The following C8orf74 variants were observed in gnomAD, a reference collection of about 807,000 sequenced individuals.
The protein encoded by C8orf74 is uncharacterized protein C8orf74.
C8orf74 carries 29 observed loss-of-function variants against 22.2 expected under a neutral mutation model. That is an observed-to-expected ratio of 1.31 (90% CI 0.97 to 1.78). The LOEUF is 1.78. C8orf74 is among the 40% of genes most tolerant of loss of function. The pLI, the probability that C8orf74 is intolerant of heterozygous loss-of-function variation, is 0.00. For synonymous variants in C8orf74, 255 were observed against 163.1 expected (o/e 1.56, Z -4.30); for missense variants, 515 against 369.9 (o/e 1.39, Z -3.22).
At chr8:10,677,206 C>T (rs1419670208) in intron 2 of C8orf74, among the ~76,000 whole-genome samples, 1 of 152,182 alleles carries the variant, frequency 6.6e-6, no homozygotes, top group Non-Finnish European at 1.5e-5. Context: ...CATGACCACA[C>T]TCATCATTAG....
At chr8:10,675,986 T>A (rs952688857) in intron 2 of C8orf74, 1 of 152,146 alleles carries the variant, frequency 6.6e-6, no homozygotes, top group African/African-American at 2.4e-5. Flanking sequence ...GGTAGTGACA[T>A]GTTCAGGGTG....
intron 2 of C8orf74, among the ~76,000 whole-genome samples, chr8:10,696,097 G>C (rs1799491336): frequency 2.0e-5 from 3 of 152,046 alleles, no homozygotes; most frequent in African/African-American, 7.2e-5. Context: ...CTGCTCATTT[G>C]CTCACCAGGG....
chr8:10,699,820 G>C (rs1041289609), intron 3 of C8orf74, among the ~76,000 whole-genome samples: 2 of 152,232 alleles, frequency 1.3e-5, no homozygotes, highest in African/African-American at 4.8e-5. Flanking sequence ...AGGAGGTAGG[G>C]TCTATAGGAA....
intron 2 of C8orf74, among the ~76,000 whole-genome samples, chr8:10,683,199 T>C (rs903873486): frequency 1.3e-5 from 2 of 152,196 alleles, no homozygotes. Flanking sequence ...ACTTCCTAAC[T>C]GGGTCACCCA....
Position 10,697,948 on chromosome 8 carries a change from G to C in C8orf74, c.591G>C (p.Leu197=), listed in dbSNP as rs764467947. 2.4e-5 allele frequency: 38 copies of C among 1,567,386 alleles called. No individual in the cohort carries two copies. The highest frequency in any genetic ancestry group is 3.0e-5 in the Non-Finnish European group (35 of 1,158,226). ...EALRLERENS[L]QKAFAAAAPA... ...TGCGCCTGGAGCGGGAGAACTCGCT[G>C]CAGAAGGCGTTCGCTGCCGCCGCGC... Residue 197 remains leucine (L), a synonymous_variant, in exon 3 of 4, where the codon CTG becomes CTC. Transcript: ENST00000304519.
At chr8:10,694,341 G>A (rs975225181) in intron 2 of C8orf74, among the ~76,000 whole-genome samples, 4 of 152,150 alleles carry the variant, frequency 2.6e-5, no homozygotes, top group Admixed American at 6.5e-5. Context: ...TATGTAAACT[G>A]AAAAGTATCT....
chr8:10,700,202 G>T (rs965492677), intron 3 of C8orf74, 33 bp from the exon 4 acceptor site: 35 of 1,460,474 alleles, frequency 2.4e-5, no homozygotes, highest in Non-Finnish European at 3.2e-5. Context: ...AGGCTCCCCA[G>T]CCCTGCTCAT....
intron 1 of C8orf74, chr8:10,673,469 C>G (rs1798959309): frequency 6.6e-6 from 1 of 152,204 alleles, no homozygotes; most frequent in South Asian, 2.1e-4. Context: ...AGCATTACCT[C>G]ACCAAGCCCC....
intron 2 of C8orf74, among the ~76,000 whole-genome samples, chr8:10,687,811 A>C (rs545286304): frequency 6.6e-6 from 1 of 152,306 alleles, no homozygotes; most frequent in East Asian, 1.9e-4. Flanking sequence ...ATTATAGCAT[A>C]CACAGAGAAA....
chr8:10,699,788 C>T (rs1209472025), intron 3 of C8orf74, among the ~76,000 whole-genome samples: 1 of 152,182 alleles, frequency 6.6e-6, no homozygotes, highest in East Asian at 1.9e-4. Context: ...CCCAGGGTAT[C>T]CAGATGGAGC....
intron 2 of C8orf74, among the ~76,000 whole-genome samples, chr8:10,678,193 C>A (rs1799072515): frequency 6.6e-6 from 1 of 152,160 alleles, no homozygotes; most frequent in African/African-American, 2.4e-5. Context: ...CTTACCTGGC[C>A]CTTTACTGGG....
intron 2 of C8orf74, chr8:10,690,850 C>A (rs769494943): frequency 1.1e-4 from 49 of 456,144 alleles, no homozygotes; most frequent in African/African-American, 9.6e-4. Context: ...CTCCTCCACT[C>A]GTGCTGCATA....
intron 2 of C8orf74, chr8:10,686,439 T>C (rs564681551): frequency 6.6e-6 from 1 of 152,394 alleles, no homozygotes; most frequent in African/African-American, 2.4e-5. Flanking sequence ...GTAGTCATAG[T>C]ATTATTTCCT....
intron 3 of C8orf74, among the ~76,000 whole-genome samples, chr8:10,698,570 A>G (rs1003398808): frequency 6.6e-6 from 1 of 152,024 alleles, no homozygotes; most frequent in Admixed American, 6.6e-5. Context: ...CTGCCAGACC[A>G]CTGGGGCTCT....
chr8:10,700,058 C>T (rs74429370), intron 3 of C8orf74, among the ~76,000 whole-genome samples, 177 bp from the exon 4 acceptor site: 3 of 152,328 alleles, frequency 2.0e-5, no homozygotes, highest in Non-Finnish European at 2.9e-5. Context: ...TCAGACCTCC[C>T]GCCCCTAGTT....
At position 10,697,996 on chromosome 8, in the gene C8orf74, G is replaced by A. The variant is rs1799568179; in HGVS notation, c.639G>A (p.Leu213=). 1 of 1,484,614 alleles carries A rather than the reference G, an allele frequency of 6.7e-7. No homozygotes were observed. Among genetic ancestry groups the A allele is most frequent in the Non-Finnish European group, 8.9e-7 (1 of 1,120,418 alleles). The allele number at this position is 1,484,614 out of a possible 1,614,324, so 92.0% of individuals were successfully genotyped here. A position where few individuals can be genotyped will look rare whatever the true frequency, so the allele number is the denominator to read the frequency against. Residue 213 remains leucine, a synonymous_variant, in exon 3 of 4, where the codon CTG becomes CTA. Transcript: ENST00000304519. ...CGCCTGCGCAGCCCGGCCAGGTCCT[G>A]GAGAGACAGGTGAGGCTCTGCCCCC... is the stretch of plus-strand genomic sequence containing the variant. The part of the protein sequence containing the change: ...AAAPAQPGQV[L]ERQELESLIC...
At chr8:10,692,596 T>A (rs1282757278) in intron 2 of C8orf74, 1 of 152,190 alleles carries the variant, frequency 6.6e-6, no homozygotes, top group Non-Finnish European at 1.5e-5. Context: ...AGCCTTGACC[T>A]CCTGGGCTCA....
chr8:10,680,875 T>C (rs1799134733), intron 2 of C8orf74, among the ~76,000 whole-genome samples: 2 of 152,146 alleles, frequency 1.3e-5, no homozygotes, highest in South Asian at 4.1e-4. Flanking sequence ...CCTCCTGGCA[T>C]TGTCCCCATT....
intron 3 of C8orf74, among the ~76,000 whole-genome samples, chr8:10,699,897 A>C (rs7017257): frequency 0.12 from 18,932 of 152,234 alleles, 3,283 homozygotes; most frequent in African/African-American, 0.39. Flanking sequence ...CACTCTAGGC[A>C]AGAAAAGAAA....
Sources: allele counts gnomAD v4.1 joint callset (sites outside exome capture counted in the v4.1 genomes callset), GRCh38; gene constraint gnomAD v4.1.1; transcripts MANE v1.5; gene names NCBI Gene and HGNC (gene_info 2026-07-23, HGNC 2026-07-21).